The following DENND2B variants were observed in gnomAD, a reference collection of about 807,000 sequenced individuals.
DENND2B encodes the protein DENN domain-containing protein 2B.
Under a neutral mutation model 116.0 loss-of-function variants are expected in DENND2B, and 32 were observed. The observed-to-expected ratio is 0.28, with a 90% CI of 0.21 to 0.37. The LOEUF (loss-of-function observed/expected upper bound fraction) is 0.37, where lower values mean the gene tolerates loss of function less well. Ranked by LOEUF, DENND2B falls within the 10% of genes least tolerant of loss-of-function variation. The pLI, the probability that DENND2B is intolerant of heterozygous loss-of-function variation, is 1.00. For missense variants in DENND2B, 1,276 were observed against 1,477.7 expected (o/e 0.86, Z 2.24); for synonymous variants, 588 against 583.9 (o/e 1.01, Z -0.10).
intron 1 of DENND2B, among the ~76,000 whole-genome samples, chr11:8,754,977 T>C (rs1449842654): frequency 6.6e-6 from 1 of 152,238 alleles, no homozygotes; most frequent in African/African-American, 2.4e-5. Context: ...GTGAATATAT[T>C]AGAAATCATT....
At chr11:8,773,065 T>C (rs2057165499) in intron 1 of DENND2B, among the ~76,000 whole-genome samples, 1 of 152,124 alleles carries the variant, frequency 6.6e-6, no homozygotes, top group African/African-American at 2.4e-5. Context: ...TATAATTTCA[T>C]AGGAATGTAA....
intron 1 of DENND2B, among the ~76,000 whole-genome samples, chr11:8,894,633 C>A (rs1484185071): frequency 6.6e-6 from 1 of 151,970 alleles, no homozygotes; most frequent in Non-Finnish European, 1.5e-5. Context: ...ATGCAGCCAA[C>A]AGACACATCA....
chr11:8,700,785 G>A (rs1031834156), intron 14 of DENND2B, among the ~76,000 whole-genome samples: 6 of 151,992 alleles, frequency 3.9e-5, no homozygotes, highest in Non-Finnish European at 1.5e-5. Flanking sequence ...ATGGAGAGAG[G>A]AAAAGTTTTT....
At chr11:8,874,904 G>A (rs912875796), upstream of DENND2B, among the ~76,000 whole-genome samples, 30 of 149,366 alleles carry the variant, frequency 2.0e-4, no homozygotes, top group Admixed American at 5.3e-4. Context: ...CAGCCTGGGC[G>A]GCAAAGTGAG....
intron 1 of DENND2B, among the ~76,000 whole-genome samples, chr11:8,901,490 A>T (rs1050704891): frequency 5.9e-5 from 9 of 151,862 alleles, no homozygotes; most frequent in Non-Finnish European, 8.8e-5. Context: ...TCAGCCTCCC[A>T]AAGTGCTGGG....
Position 8,696,516 on chromosome 11 carries a change from C to T in DENND2B, c.3203G>A (p.Ser1068Asn), listed in dbSNP as rs1254202667. 1 of 1,614,062 alleles carries T rather than the reference C, an allele frequency of 6.2e-7. No individual in the cohort carries two copies. Among genetic ancestry groups the T allele is most frequent in the Non-Finnish European group, 8.5e-7 (1 of 1,180,040 alleles). ...AAAAACCTCAAGAAAGCGGCGGATG[C>T]TTTTGGAGGCCACAGATTTGCGGAA... Reference protein sequence around the residue: ...EAFRKSVASKSIRRFLEVFME... With the variant: ...EAFRKSVASKNIRRFLEVFME... Residue 1068 changes from serine (S) to asparagine (N), a missense_variant, in exon 18 of 20, where the codon AGC (serine) becomes AAC (asparagine). By Grantham distance (46) the Ser-to-Asn change is conservative. Coordinates refer to ENST00000313726, the MANE Select transcript of DENND2B (RefSeq NM_213618.2).
chr11:8,723,083 C>T (rs1354484437), intron 4 of DENND2B, among the ~76,000 whole-genome samples: 1 of 152,062 alleles, frequency 6.6e-6, no homozygotes, highest in East Asian at 1.9e-4. Context: ...GTTGCCCCAC[C>T]CCCTCCCTAC....
chr11:8,775,153 T>C (rs1410925350), intron 1 of DENND2B, among the ~76,000 whole-genome samples: 1 of 152,066 alleles, frequency 6.6e-6, no homozygotes, highest in Non-Finnish European at 1.5e-5. Flanking sequence ...AGGGCTGAGA[T>C]TACAGACGTG....
chr11:8,725,998 C>G, intron 4 of DENND2B, 75 bp downstream of exon 4: 1 of 1,605,686 alleles, frequency 6.2e-7, no homozygotes, highest in African/African-American at 1.3e-5. Context: ...GGAGGTCAAT[C>G]TAGGTGTCTC....
At chr11:8,715,885 G>A (rs2044674264) in intron 5 of DENND2B, 67 bp from the exon 6 acceptor site, 1 of 1,456,798 alleles carries the variant, frequency 6.9e-7, no homozygotes, top group Non-Finnish European at 9.3e-7. Context: ...TCTGTCTGCT[G>A]GGATGGGGAC....
At chr11:8,751,255 G>A (rs1379916614) in intron 1 of DENND2B, among the ~76,000 whole-genome samples, 1 of 152,008 alleles carries the variant, frequency 6.6e-6, no homozygotes, top group Non-Finnish European at 1.5e-5. Flanking sequence ...TCTAGCTCAG[G>A]GTTTGTAAAT....
chr11:8,736,331 ACAGAGTGAGAC>A (rs2049023806), intron 2 of DENND2B, among the ~76,000 whole-genome samples: 2 of 152,034 alleles, frequency 1.3e-5, no homozygotes, highest in South Asian at 2.1e-4. Flanking sequence ...AGCCTGGGCA[ACAGAGTGAGAC>A]CAGAGTGAGA....
intron 3 of DENND2B, among the ~76,000 whole-genome samples, chr11:8,840,994 G>A (rs899001793): frequency 2.0e-5 from 3 of 152,230 alleles, no homozygotes; most frequent in African/African-American, 7.2e-5. Flanking sequence ...AAAAAGGCAT[G>A]AAACAAGCTG....
At position 8,699,197 on chromosome 11, in the gene DENND2B, T is replaced by TC; in HGVS notation, c.2898+15dup. ...CCCTCCACCCTTCCCCCCAGCTGGTTCCCCCGGTGGCCCACCTCCTCCACA... is the reference window on the plus strand; with the variant it reads ...CCCTCCACCCTTCCCCCCAGCTGGTTCCCCCCGGTGGCCCACCTCCTCCACA... On this transcript the variant is annotated intron_variant, in intron 15 of 19. Transcript: ENST00000313726. 1 of 1,544,154 alleles carries TC rather than the reference T, an allele frequency of 6.5e-7. No individual in the cohort carries two copies. Among genetic ancestry groups the TC allele is most frequent in the Non-Finnish European group, 8.7e-7 (1 of 1,150,888 alleles).
Position 8,730,536 on chromosome 11 carries a change from A to T in DENND2B, c.754T>A (p.Ser252Thr), listed in dbSNP as rs147777786. Residue 252 changes from serine to threonine, a missense_variant, in exon 3 of 20, where the codon TCT becomes ACT. By Grantham distance (58) the Ser-to-Thr change is moderately conservative. Around this residue, in one of 2 missense-constraint regions of DENND2B, gnomAD observed 856 missense variants for 846.6 expected, o/e 1.01. Transcript: ENST00000313726. The surrounding 1 kb of genome is among the most constrained non-coding windows in gnomAD (Gnocchi z 4.1). ...EEGEALPVRDSFYRLEKRLGR... is the reference protein window; with the variant it reads ...EEGEALPVRDTFYRLEKRLGR... ...AGCCGTTTCTCCAGCCGGTAGAAAG[A>T]GTCCCGGACAGGGAGCGCCTCTCCC... 8 of 1,613,190 alleles carry T rather than the reference A, an allele frequency of 5.0e-6. No individual in the cohort carries two copies. The highest frequency in any genetic ancestry group is 6.8e-6 in the Non-Finnish European group (8 of 1,180,020).
chr11:8,815,819 A>G (rs940966192), intron 4 of DENND2B, among the ~76,000 whole-genome samples: 1 of 152,204 alleles, frequency 6.6e-6, no homozygotes, highest in East Asian at 1.9e-4. Flanking sequence ...AATGTATGCA[A>G]TAAGTGTGTG....
intron 1 of DENND2B, among the ~76,000 whole-genome samples, chr11:8,793,792 A>G (rs1367502135): frequency 3.3e-5 from 5 of 152,186 alleles, no homozygotes; most frequent in African/African-American, 1.2e-4. Flanking sequence ...ACTTTCCCAC[A>G]GCAGCTGCAC....
chr11:8,822,018 G>T (rs1387127003), intron 4 of DENND2B, among the ~76,000 whole-genome samples: 1 of 152,032 alleles, frequency 6.6e-6, no homozygotes, highest in Non-Finnish European at 1.5e-5. Context: ...TCTCAAACTT[G>T]TGAACTATTT....
chr11:8,727,822 C>A (rs918304716), intron 3 of DENND2B, among the ~76,000 whole-genome samples: 4 of 151,974 alleles, frequency 2.6e-5, no homozygotes, highest in African/African-American at 9.7e-5. Context: ...GTCAAATTAT[C>A]CTTGAAAATC....
Sources: gnomAD v4.1 joint callset for allele counts (sites outside exome capture counted in the v4.1 genomes callset) on GRCh38, gnomAD v4.1.1 for gene constraint, gnomAD v4.1.1 regional missense constraint, Gnocchi (gnomAD v3.1) non-coding constraint, MANE v1.5 for transcripts, NCBI Gene and HGNC (gene_info 2026-07-23, HGNC 2026-07-21) for gene names.